The following FOXK1 variants were observed in gnomAD, a reference collection of about 807,000 sequenced individuals.
FOXK1 encodes the protein forkhead box K1, also known as forkhead box protein K1.
In FOXK1, 19 loss-of-function variants were observed where a neutral mutation model predicts 51.9. That is an observed-to-expected ratio of 0.37 (90% CI 0.26 to 0.54). FOXK1 has a LOEUF of 0.54. FOXK1 is among the 20% of genes least tolerant of loss of function. The pLI, the probability that FOXK1 is intolerant of heterozygous loss-of-function variation, is 0.87. For synonymous variants in FOXK1, 537 were observed against 482.6 expected, an observed-to-expected ratio of 1.11 and a Z score of -1.48; for missense variants, 870 against 1,032.7, an observed-to-expected ratio of 0.84 and a Z score of 2.16.
Position 4,682,594 on chromosome 7 carries a change from G to A in FOXK1, c.286G>A (p.Ala96Thr). 8 of 1,282,138 alleles carry A rather than the reference G, an allele frequency of 6.2e-6. No homozygotes were observed. The highest frequency in any genetic ancestry group is 7.9e-6 in the Non-Finnish European group (8 of 1,016,562). The allele number at this position is 1,282,138 out of a possible 1,614,324, so 79.4% of individuals were successfully genotyped here. Residue 96 changes from alanine to threonine, a missense_variant, in exon 1 of 9, where the codon GCC becomes ACC. Around this residue, in one of 3 missense-constraint regions of FOXK1, gnomAD observed 399 missense variants for 475.6 expected, o/e 0.84. Transcript: ENST00000328914. This position sits in a 1 kb window ranked among gnomAD's most constrained non-coding sequence, Gnocchi z 7.6. ...GCCGGCCCTGGTGGCCGCGGCGGCC[G>A]CCTCGGTACGGCAGAGCCCGGGGCC... ...AAPALVAAAA[A>T]SVRQSPGPAL...
intron 2 of FOXK1, among the ~76,000 whole-genome samples, chr7:4,754,109 T>G (rs1780812171): frequency 6.6e-6 from 1 of 152,186 alleles, no homozygotes; most frequent in Non-Finnish European, 1.5e-5. Flanking sequence ...GGAGGCTACC[T>G]GCTCCGGGTG....
In FOXK1 at chr7:4,735,712, G is replaced by GT. The variant is rs1471024211; in HGVS notation, c.561-5125dup. On this transcript the variant is annotated intron_variant, in intron 1 of 8. Coordinates refer to ENST00000328914, the MANE Select transcript of FOXK1 (RefSeq NM_001037165.2). This position sits in a 1 kb window ranked among gnomAD's most constrained non-coding sequence, Gnocchi z 4.7. Reference sequence around the variant, plus strand: ...ATCTCCGCCGGTCAAGACCGGCAGTGTGTGTGGCTGGGTTTAAACCACCGT... The same window carrying GT: ...ATCTCCGCCGGTCAAGACCGGCAGTGTTGTGTGGCTGGGTTTAAACCACCGT... Among the ~76,000 whole-genome samples the GT allele has an allele frequency of 6.6e-6, 1 of 152,200 alleles. No individual in the cohort carries two copies. The highest frequency in any genetic ancestry group is 1.9e-4 in the East Asian group (1 of 5,192).
At chr7:4,725,556 T>A (rs1031937343) in intron 1 of FOXK1, among the ~76,000 whole-genome samples, 5 of 152,226 alleles carry the variant, frequency 3.3e-5, no homozygotes, top group Admixed American at 2.6e-4. Flanking sequence ...ACTGCCTTTG[T>A]GCGGCCGGGC....
Position 4,770,903 on chromosome 7 carries a change from A to C in FOXK1, c.*8439A>C, listed in dbSNP as rs77848999. On this transcript the variant is annotated 3_prime_UTR_variant, in exon 9 of 9. Coordinates refer to ENST00000328914, the MANE Select transcript of FOXK1 (RefSeq NM_001037165.2). ...TGTGTGTGTGTGTGTGTGTGTGTGT[A>C]TTTTTTTTTTTACAGTGGCGCCTGT... The C allele has an allele frequency of 9.9e-6, 1 of 100,688 alleles. No individual in the cohort carries two copies. The highest frequency in any genetic ancestry group is 2.1e-5 in the Non-Finnish European group (1 of 47,822). 6.2% of individuals were successfully genotyped at this position (100,688 alleles called of 1,614,324 possible). A position where few individuals can be genotyped will look rare whatever the true frequency, so the allele number is the denominator to read the frequency against.
chr7:4,749,930 C>G lies in FOXK1; in HGVS notation c.747-4529C>G, dbSNP rs1780753444. On this transcript the variant is annotated intron_variant, in intron 2 of 8. Coordinates refer to ENST00000328914, the MANE Select transcript of FOXK1 (RefSeq NM_001037165.2). The surrounding 1 kb of genome is among the most constrained non-coding windows in gnomAD (Gnocchi z 6.0). ...CAGCCCGTCCGTCCCTCTGCAGTCT[C>G]CCTGCACTGGCATGTCCTGGGTGGT... 6.6e-6 allele frequency among the ~76,000 whole-genome samples: 1 copy of G among 152,232 alleles called. No individual in the cohort carries two copies. Among genetic ancestry groups the G allele is most frequent in the Non-Finnish European group, 1.5e-5 (1 of 68,032 alleles).
intron 1 of FOXK1, among the ~76,000 whole-genome samples, chr7:4,694,685 T>A (rs1779931490): frequency 6.6e-6 from 1 of 152,218 alleles, no homozygotes; most frequent in African/African-American, 2.4e-5. Flanking sequence ...TGGAGCTTTG[T>A]GCCAGCCTTG....
rs1366028481 is a variant in FOXK1, at chr7:4,730,620, T to C, written c.561-10218T>C. 6.6e-6 allele frequency among the ~76,000 whole-genome samples: 1 copy of C among 152,152 alleles called. No individual in the cohort carries two copies. Among genetic ancestry groups the C allele is most frequent in the East Asian group, 1.9e-4 (1 of 5,190 alleles). ...GCCTTATTTTCCAAAGCCGCCACACTTGAGACGTCCTTGCTGCGGGTTCGT... is the reference window on the plus strand; with the variant it reads ...GCCTTATTTTCCAAAGCCGCCACACCTGAGACGTCCTTGCTGCGGGTTCGT... On this transcript the variant is annotated intron_variant, in intron 1 of 8. Coordinates refer to ENST00000328914, the MANE Select transcript of FOXK1 (RefSeq NM_001037165.2). The surrounding 1 kb of genome is among the most constrained non-coding windows in gnomAD (Gnocchi z 4.7).
At chr7:4,696,079 G>A (rs1233839096) in intron 1 of FOXK1, among the ~76,000 whole-genome samples, 1 of 149,354 alleles carries the variant, frequency 6.7e-6, no homozygotes, top group African/African-American at 2.5e-5. Flanking sequence ...ATGCACCACT[G>A]CACTCCAGCC....
rs147233214 is a variant in FOXK1 at position 4,720,708 on chromosome 7, C to CTT, written c.561-20118_561-20117dup. Among the ~76,000 whole-genome samples the CTT allele has an allele frequency of 2.1e-5, 3 of 144,658 alleles. No homozygotes were observed. The Admixed American group carries it at 2.1e-4, about 10-fold the overall frequency. 94.9% of individuals were successfully genotyped at this position (144,658 alleles called of 152,430 possible). On this transcript the variant is annotated intron_variant, in intron 1 of 8. Coordinates refer to ENST00000328914, the MANE Select transcript of FOXK1 (RefSeq NM_001037165.2). Reference sequence around the variant, plus strand: ...TGTATGCTGCGTGCCTAGCTTTTTACTTTTTTTTTTTTTGAGACAGAGTCT... The same window carrying CTT: ...TGTATGCTGCGTGCCTAGCTTTTTACTTTTTTTTTTTTTTTGAGACAGAGTCT...
rs775120550 is a variant in FOXK1, at chr7:4,743,863, T to C, written c.746+2840T>C. The stretch of plus-strand genomic sequence containing the variant: ...TGGGTTATTAATCAGCAGGTTGTAA[T>C]CCAGCTAAACAGAAGCTTTTTTTTT... On this transcript the variant is annotated intron_variant, in intron 2 of 8. Transcript: ENST00000328914. The surrounding 1 kb of genome is among the most constrained non-coding windows in gnomAD (Gnocchi z 5.3). Among the ~76,000 whole-genome samples the C allele has an allele frequency of 3.3e-5, 5 of 150,488 alleles. No homozygotes were observed. The highest frequency in any genetic ancestry group is 5.9e-5 in the Non-Finnish European group (4 of 67,800).
At chr7:4,687,092 C>G (rs958886508) in intron 1 of FOXK1, among the ~76,000 whole-genome samples, 3 of 151,788 alleles carry the variant, frequency 2.0e-5, no homozygotes, top group Non-Finnish European at 2.9e-5. Context: ...GCCAGCATGC[C>G]CAGCTAATTT....
Position 4,761,411 on chromosome 7 carries a change from C to G in FOXK1, c.1921+123C>G. 1.0e-6 allele frequency: 1 copy of G among 990,392 alleles called. No individual in the cohort carries two copies. Among genetic ancestry groups the G allele is most frequent in the Non-Finnish European group, 1.5e-6 (1 of 668,126 alleles). 61.4% of individuals were successfully genotyped at this position (990,392 alleles called of 1,614,324 possible). A position where few individuals can be genotyped will look rare whatever the true frequency, so the allele number is the denominator to read the frequency against. ...TCCACTCAGTTCAATTTATTGAGCACCTGCTATACTCCAGGCACTGGGGTA... is the reference window on the plus strand; with the variant it reads ...TCCACTCAGTTCAATTTATTGAGCAGCTGCTATACTCCAGGCACTGGGGTA... On this transcript the variant is annotated intron_variant, in intron 8 of 8. Transcript: ENST00000328914. The surrounding 1 kb of genome is among the most constrained non-coding windows in gnomAD (Gnocchi z 6.2).
chr7:4,741,284 T>A (rs759430741), intron 2 of FOXK1, among the ~76,000 whole-genome samples: 3 of 152,144 alleles, frequency 2.0e-5, no homozygotes, highest in Admixed American at 1.3e-4. Flanking sequence ...CACAGGTTTT[T>A]TTGTTGTTTT....
At chr7:4,728,729 T>TTTA (rs1780411900) in intron 1 of FOXK1, among the ~76,000 whole-genome samples, 1 of 50,354 alleles carries the variant, frequency 2.0e-5, no homozygotes, top group East Asian at 6.6e-4. Flanking sequence ...CGTCTCTTTT[T>TTTA]GAAAAAAAAA....
rs751418663 is a variant in FOXK1 at position 4,723,135 on chromosome 7, G to A, written c.561-17703G>A. On this transcript the variant is annotated intron_variant, in intron 1 of 8. Transcript: ENST00000328914. This position sits in a 1 kb window ranked among gnomAD's most constrained non-coding sequence, Gnocchi z 4.7. ...CCGTGCTCACTCCAACGCCGTGGCT[G>A]TGAGCGGAGCCAGCTTCAAAGCACT... 1.3e-5 allele frequency among the ~76,000 whole-genome samples: 2 copies of A among 151,724 alleles called. No homozygotes were observed. Among genetic ancestry groups the A allele is most frequent in the Non-Finnish European group, 2.9e-5 (2 of 67,990 alleles).
rs1400289652 is a variant in FOXK1 at position 4,734,705 on chromosome 7, T to G, written c.561-6133T>G. 6.6e-6 allele frequency among the ~76,000 whole-genome samples: 1 copy of G among 152,156 alleles called. No individual in the cohort carries two copies. The highest frequency in any genetic ancestry group is 1.5e-5 in the Non-Finnish European group (1 of 68,014). On this transcript the variant is annotated intron_variant, in intron 1 of 8. Coordinates refer to ENST00000328914, the MANE Select transcript of FOXK1 (RefSeq NM_001037165.2). The surrounding 1 kb of genome is among the most constrained non-coding windows in gnomAD (Gnocchi z 5.2). Reference sequence around the variant, plus strand: ...GATAGCTGGGCTCAGCTCTGGAAGCTTGGGGGGCTGAGAGCCTCTGGTCCT... The same window carrying G: ...GATAGCTGGGCTCAGCTCTGGAAGCGTGGGGGGCTGAGAGCCTCTGGTCCT...
At chr7:4,684,889 C>A (rs1404751031) in intron 1 of FOXK1, among the ~76,000 whole-genome samples, 1 of 151,754 alleles carries the variant, frequency 6.6e-6, no homozygotes, top group Non-Finnish European at 1.5e-5. Flanking sequence ...TACGAATAGG[C>A]CAGTAGCAAG....
At position 4,760,800 on chromosome 7, in the gene FOXK1, G is replaced by A. The variant is rs535230605; in HGVS notation, c.1697-264G>A. Reference sequence around the variant, plus strand: ...CGGGAGGCGGAGGTTGCAGTGAGCCGAGATGGCACCCCTGCACTCCAGCCT... The same window carrying A: ...CGGGAGGCGGAGGTTGCAGTGAGCCAAGATGGCACCCCTGCACTCCAGCCT... On this transcript the variant is annotated intron_variant, in intron 7 of 8. Transcript: ENST00000328914. 3.3e-5 allele frequency among the ~76,000 whole-genome samples: 5 copies of A among 152,242 alleles called. No homozygotes were observed. In the East Asian group the frequency reaches 9.6e-4, roughly 29 times the overall value.
rs1369996329 is a variant in FOXK1 at position 4,748,805 on chromosome 7, A to C, written c.747-5654A>C. On this transcript the variant is annotated intron_variant, in intron 2 of 8. Coordinates refer to ENST00000328914, the MANE Select transcript of FOXK1 (RefSeq NM_001037165.2). The surrounding 1 kb of genome is among the most constrained non-coding windows in gnomAD (Gnocchi z 4.9). ...GCGAGCCTCCTGCCTCAGCCTCCCG[A>C]GTAGTAGGGACTACAGGTGTGCACC... is the stretch of plus-strand genomic sequence containing the variant. Among the ~76,000 whole-genome samples, 1 of 152,158 alleles carries C rather than the reference A, an allele frequency of 6.6e-6. No individual in the cohort carries two copies. The highest frequency in any genetic ancestry group is 1.5e-5 in the Non-Finnish European group (1 of 68,034).
Sources: gnomAD v4.1 joint callset for allele counts (sites outside exome capture counted in the v4.1 genomes callset) on GRCh38, gnomAD v4.1.1 for gene constraint, gnomAD v4.1.1 regional missense constraint, Gnocchi (gnomAD v3.1) non-coding constraint, MANE v1.5 for transcripts, NCBI Gene and HGNC (gene_info 2026-07-23, HGNC 2026-07-21) for gene names.